DRC1: variants seen among roughly 807,000 people sequenced by gnomAD.
DRC1 encodes the protein dynein regulatory complex protein 1.
A neutral mutation model predicts 98.7 loss-of-function variants in DRC1; 74 were observed. That is an observed-to-expected ratio of 0.75 (90% CI 0.62 to 0.91). The LOEUF is 0.91. DRC1 is among the 40% of genes least tolerant of loss of function. The pLI is 0.00. For synonymous variants in DRC1, 336 were observed against 334.1 expected (o/e 1.01, Z -0.06); for missense variants, 875 against 886.0 (o/e 0.99, Z 0.16).
intron 7 of DRC1, among the ~76,000 whole-genome samples, chr2:26,437,831 G>A (rs1387038941): frequency 6.6e-6 from 1 of 151,986 alleles, no homozygotes; most frequent in East Asian, 1.9e-4. Context: ...ATTCTAGCCT[G>A]TAATCCCAGC....
chr2:26,455,474 G>C (rs982488748), intron 16 of DRC1, among the ~76,000 whole-genome samples: 4 of 152,346 alleles, frequency 2.6e-5, no homozygotes, highest in Middle Eastern at 3.4e-3. Context: ...TGTGGTTTCT[G>C]GTGCCAGTGG....
At chr2:26,406,850 C>A (rs1433212326) in intron 1 of DRC1, among the ~76,000 whole-genome samples, 7 of 135,486 alleles carry the variant, frequency 5.2e-5, no homozygotes, top group Non-Finnish European at 7.7e-5. Flanking sequence ...CAGGGTCTCA[C>A]TCTGTCACCC....
intron 5 of DRC1, 33 bp downstream of exon 5, chr2:26,429,798 CT>C (rs1663386240): frequency 6.2e-7 from 1 of 1,611,142 alleles, no homozygotes; most frequent in Non-Finnish European, 8.5e-7. Context: ...GGTTTCTGCT[CT>C]TGGAGGGCCC....
Position 26,454,702 on chromosome 2 carries a change from TC to T in DRC1, c.1976del (p.Ser659TrpfsTer7), listed in dbSNP as rs772974990. 6.8e-6 allele frequency: 11 copies of T among 1,614,128 alleles called. No individual in the cohort carries two copies. Among genetic ancestry groups the T allele is most frequent in the Non-Finnish European group, 8.5e-6 (10 of 1,180,008 alleles). On this transcript the variant is annotated frameshift_variant, in exon 15 of 17. Transcript: ENST00000288710. LOFTEE classifies it high-confidence loss of function. This position sits in a 1 kb window ranked among gnomAD's most constrained non-coding sequence, Gnocchi z 5.2. ...GAATGTGCGTGACAACTCCAAGGAC[TC>T]GGAGTACTGGCAGGCCCTGACCACA... ...QKNVRDNSKDSEYWQALTTVI... is the reference protein window; with the variant it reads ...QKNVRDNSKDXEYWQALTTVI...
intron 7 of DRC1, among the ~76,000 whole-genome samples, chr2:26,434,032 C>T (rs773536458): frequency 6.6e-6 from 1 of 152,206 alleles, no homozygotes; most frequent in African/African-American, 2.4e-5. Context: ...TTTCACTAGA[C>T]ATTCAAGCCA....
At chr2:26,446,954 A>G (rs1329129603) in intron 10 of DRC1, among the ~76,000 whole-genome samples, 1 of 152,034 alleles carries the variant, frequency 6.6e-6, no homozygotes, top group Non-Finnish European at 1.5e-5. Context: ...TTAGCCGGTC[A>G]TGGCGTGCGC....
chr2:26,455,822 G>C (rs1328118938), intron 16 of DRC1, among the ~76,000 whole-genome samples: 1 of 152,242 alleles, frequency 6.6e-6, no homozygotes. Context: ...ACTTCCCCAT[G>C]GCCTGGCAAG....
intron 2 of DRC1, among the ~76,000 whole-genome samples, chr2:26,417,495 AT>A (rs1214646897): frequency 1.3e-5 from 2 of 151,808 alleles, no homozygotes; most frequent in African/African-American, 4.8e-5. Context: ...TACCTAGCTA[AT>A]TTTTGTATTC....
intron 6 of DRC1, 110 bp from the exon 7 acceptor site, chr2:26,431,774 G>T: frequency 2.0e-6 from 3 of 1,517,436 alleles, no homozygotes; most frequent in Non-Finnish European, 2.7e-6. Context: ...TCCCTGTGGA[G>T]CCATGAAACT....
chr2:26,450,186 C>G (rs915876560), intron 12 of DRC1, 101 bp downstream of exon 12: 1 of 1,099,036 alleles, frequency 9.1e-7, no homozygotes, highest in African/African-American at 1.6e-5. Flanking sequence ...ACGAGGGTCT[C>G]CCGGGGCTTC....
chr2:26,442,974 A>G (rs142584508), intron 8 of DRC1, among the ~76,000 whole-genome samples: 3 of 152,302 alleles, frequency 2.0e-5, no homozygotes, highest in Non-Finnish European at 2.9e-5. Context: ...TGACATTGGG[A>G]AAAAACACTT....
intron 1 of DRC1, among the ~76,000 whole-genome samples, chr2:26,410,386 C>T (rs1678567566): frequency 6.6e-6 from 1 of 151,514 alleles, no homozygotes. Flanking sequence ...ATTCTCCTGC[C>T]TTGGCCTCCC....
At position 26,456,441 on chromosome 2, in the gene DRC1, T is replaced by C; in HGVS notation, c.2167-20T>C. 6.2e-7 allele frequency: 1 copy of C among 1,614,048 alleles called. No individual in the cohort carries two copies. Among genetic ancestry groups the C allele is most frequent in the Non-Finnish European group, 8.5e-7 (1 of 1,179,930 alleles). ...AGGGCCCTGGGAAAAATGTAACGACTTTCACCCTTTCTTTTCCAGATCAAC... is the reference window on the plus strand; with the variant it reads ...AGGGCCCTGGGAAAAATGTAACGACCTTCACCCTTTCTTTTCCAGATCAAC... On this transcript the variant is annotated intron_variant, in intron 16 of 16. Transcript: ENST00000288710.
chr2:26,441,908 C>T (rs952781821), intron 8 of DRC1, among the ~76,000 whole-genome samples: 6 of 152,204 alleles, frequency 3.9e-5, no homozygotes, highest in Middle Eastern at 3.2e-3. Context: ...ATTTTCCTTT[C>T]CTGCTCACCA....
chr2:26,424,486 A>AG (rs970925281), intron 4 of DRC1, 32 bp downstream of exon 4: 1 of 1,584,210 alleles, frequency 6.3e-7, no homozygotes, highest in African/African-American at 1.3e-5. Flanking sequence ...GCCCAGCCAC[A>AG]GGGGATCTGC....
intron 7 of DRC1, among the ~76,000 whole-genome samples, chr2:26,433,291 T>C (rs1272686937): frequency 6.6e-6 from 1 of 152,144 alleles, no homozygotes; most frequent in Non-Finnish European, 1.5e-5. Flanking sequence ...TAGAAAAAGG[T>C]GTTAGATGAA....
At chr2:26,433,422 G>A (rs745838108) in intron 7 of DRC1, among the ~76,000 whole-genome samples, 14 of 152,094 alleles carry the variant, frequency 9.2e-5, no homozygotes, top group Non-Finnish European at 2.1e-4. Flanking sequence ...AATTTTCCCA[G>A]GTCCTTCTCA....
intron 1 of DRC1, 141 bp from the exon 2 acceptor site, chr2:26,414,203 C>A: frequency 1.7e-6 from 1 of 572,010 alleles, no homozygotes. Flanking sequence ...TCTTGAACTC[C>A]TGGCCTTAAG....
At chr2:26,450,835 C>T (rs1321525882) in intron 13 of DRC1, among the ~76,000 whole-genome samples, 154 bp downstream of exon 13, 1 of 152,170 alleles carries the variant, frequency 6.6e-6, no homozygotes, top group African/African-American at 2.4e-5. Context: ...ACCCATCAAC[C>T]CATCACCTAC....
Sources: gnomAD v4.1 joint callset for allele counts (sites outside exome capture counted in the v4.1 genomes callset) on GRCh38, gnomAD v4.1.1 for gene constraint, Gnocchi (gnomAD v3.1) non-coding constraint, MANE v1.5 for transcripts, NCBI Gene and HGNC (gene_info 2026-07-23, HGNC 2026-07-21) for gene names.